Variants in MYRIP observed in about 807,000 individuals in gnomAD.
MYRIP encodes the protein rab effector MyRIP.
A neutral mutation model predicts 98.0 loss-of-function variants in MYRIP; 49 were observed. The ratio of observed to expected loss-of-function variants is 0.50; its 90% CI spans 0.40 to 0.63. The LOEUF (loss-of-function observed/expected upper bound fraction) is 0.63, where lower values mean the gene tolerates loss of function less well. Ranked by LOEUF, MYRIP falls within the 30% of genes least tolerant of loss-of-function variation. The pLI is 0.00. For synonymous variants in MYRIP, 404 were observed against 409.5 expected (o/e 0.99, Z 0.16); for missense variants, 1,004 against 1,058.2 (o/e 0.95, Z 0.71).
At chr3:39,815,989 T>G (rs1210349834) in intron 1 of MYRIP, among the ~76,000 whole-genome samples, 1 of 152,040 alleles carries the variant, frequency 6.6e-6, no homozygotes, top group Non-Finnish European at 1.5e-5. Context: ...CAATTCATTT[T>G]GTTTTCCTTC....
intron 3 of MYRIP, among the ~76,000 whole-genome samples, chr3:40,100,474 C>T (rs1459308080): frequency 6.6e-6 from 1 of 152,174 alleles, no homozygotes; most frequent in Non-Finnish European, 1.5e-5. Flanking sequence ...GCATTTTAAA[C>T]CATTGGCTCT....
At chr3:39,897,940 AT>A (rs1392624624) in intron 1 of MYRIP, among the ~76,000 whole-genome samples, 1 of 152,122 alleles carries the variant, frequency 6.6e-6, no homozygotes, top group Non-Finnish European at 1.5e-5. Flanking sequence ...AGCCAGTGAA[AT>A]AAAGTCAAAG....
intron 2 of MYRIP, among the ~76,000 whole-genome samples, chr3:40,027,105 A>G (rs1166688687): frequency 6.6e-6 from 1 of 152,182 alleles, no homozygotes; most frequent in East Asian, 1.9e-4. Context: ...GATGCCTCAC[A>G]GATTTCACTA....
chr3:40,095,049 T>C (rs575770807), intron 3 of MYRIP, among the ~76,000 whole-genome samples: 1 of 152,242 alleles, frequency 6.6e-6, no homozygotes, highest in South Asian at 2.1e-4. Flanking sequence ...GGAGACACCC[T>C]GATTCAAGCA....
intron 2 of MYRIP, among the ~76,000 whole-genome samples, chr3:39,924,729 C>T (rs1944380093): frequency 6.6e-6 from 1 of 151,966 alleles, no homozygotes; most frequent in South Asian, 2.1e-4. Flanking sequence ...ATAAAACAAA[C>T]CTTAACAAAT....
At chr3:40,077,521 A>G (rs78483576) in intron 3 of MYRIP, among the ~76,000 whole-genome samples, 2,311 of 149,840 alleles carry the variant, frequency 0.015, 102 homozygotes, top group South Asian at 0.15. Context: ...TGTGGACACA[A>G]AGGTTCTCCA....
intron 3 of MYRIP, among the ~76,000 whole-genome samples, chr3:40,073,709 C>G (rs536308699): frequency 6.6e-6 from 1 of 152,334 alleles, no homozygotes; most frequent in Non-Finnish European, 1.5e-5. Context: ...TAAGTGATTA[C>G]TGGGCATCTT....
At chr3:40,237,773 C>T (rs1952862972) in intron 12 of MYRIP, among the ~76,000 whole-genome samples, 1 of 152,194 alleles carries the variant, frequency 6.6e-6, no homozygotes, top group South Asian at 2.1e-4. Context: ...AGACATGGTT[C>T]ACTAGCAAAC....
chr3:40,196,238 T>C (rs758652823), intron 10 of MYRIP, among the ~76,000 whole-genome samples: 2 of 152,074 alleles, frequency 1.3e-5, no homozygotes, highest in Non-Finnish European at 2.9e-5. Context: ...TGCTTCCTAG[T>C]CTGTTAATTT....
chr3:39,850,195 G>A (rs988959816), intron 1 of MYRIP, among the ~76,000 whole-genome samples: 1 of 152,190 alleles, frequency 6.6e-6, no homozygotes, highest in African/African-American at 2.4e-5. Context: ...GTAGTTCATT[G>A]ACTGGGAAGC....
At chr3:39,866,313 A>G (rs1309691883) in intron 1 of MYRIP, among the ~76,000 whole-genome samples, 1 of 152,156 alleles carries the variant, frequency 6.6e-6, no homozygotes, top group Non-Finnish European at 1.5e-5. Flanking sequence ...ACAAACCTAC[A>G]TATATACCCC....
intron 2 of MYRIP, among the ~76,000 whole-genome samples, chr3:40,040,989 A>AG (rs1947505016): frequency 1.7e-5 from 1 of 58,372 alleles, no homozygotes; most frequent in Non-Finnish European, 4.1e-5. Context: ...AATAAAAAAA[A>AG]AAAAGAAAAA....
intron 2 of MYRIP, among the ~76,000 whole-genome samples, chr3:40,015,421 CCT>C (rs1346020870): frequency 6.6e-6 from 1 of 152,136 alleles, no homozygotes; most frequent in African/African-American, 2.4e-5. Context: ...GAGACATGAC[CCT>C]GAGTCACACT....
chr3:40,015,833 A>G (rs1022184846), intron 2 of MYRIP, among the ~76,000 whole-genome samples: 8 of 152,220 alleles, frequency 5.3e-5, no homozygotes, highest in Non-Finnish European at 1.2e-4. Flanking sequence ...CTAACATCAT[A>G]TCTATTTTGA....
intron 2 of MYRIP, among the ~76,000 whole-genome samples, chr3:39,957,616 C>T (rs2125727220): frequency 6.6e-6 from 1 of 152,222 alleles, no homozygotes. Flanking sequence ...TGAAAACTGG[C>T]ACAAGACAGG....
At chr3:40,183,831 T>G (rs1950955785) in intron 9 of MYRIP, among the ~76,000 whole-genome samples, 1 of 152,230 alleles carries the variant, frequency 6.6e-6, no homozygotes, top group African/African-American at 2.4e-5. Flanking sequence ...TAATAAGCTT[T>G]TAAAGATTGT....
chr3:39,848,171 A>G (rs1355312577), intron 1 of MYRIP, among the ~76,000 whole-genome samples: 1 of 152,146 alleles, frequency 6.6e-6, no homozygotes, highest in African/African-American at 2.4e-5. Context: ...TTGGAGCCAC[A>G]CGGGTGTAGT....
At chr3:39,853,406 A>G (rs929478390) in intron 1 of MYRIP, among the ~76,000 whole-genome samples, 3 of 152,080 alleles carry the variant, frequency 2.0e-5, no homozygotes, top group Non-Finnish European at 4.4e-5. Context: ...CACCACATCC[A>G]TGCCAGCATC....
intron 1 of MYRIP, among the ~76,000 whole-genome samples, chr3:39,889,831 A>T (rs1257246458): frequency 6.6e-6 from 1 of 152,138 alleles, no homozygotes; most frequent in Non-Finnish European, 1.5e-5. Flanking sequence ...CCTACTCTGA[A>T]ATTATAAAAG....
Sources: gnomAD v4.1 joint callset for allele counts (sites outside exome capture counted in the v4.1 genomes callset) on GRCh38, gnomAD v4.1.1 for gene constraint, MANE v1.5 for transcripts, NCBI Gene and HGNC (gene_info 2026-07-23, HGNC 2026-07-21) for gene names.